Variants in SLTM observed in about 807,000 individuals in gnomAD.
SLTM encodes SAFB-like transcription modulator.
In SLTM, 43 loss-of-function variants were observed where a neutral mutation model predicts 134.6. That is an observed-to-expected ratio of 0.32 (90% CI 0.25 to 0.41). The LOEUF is 0.41. Among genes scored for constraint, SLTM ranks in the 10% least tolerant of loss-of-function variants. The pLI is 1.00. For synonymous variants in SLTM, 424 were observed against 432.3 expected (o/e 0.98, Z 0.24); for missense variants, 1,055 against 1,288.8 (o/e 0.82, Z 2.78).
At chr15:58,919,909 G>A (rs2036902169) in intron 2 of SLTM, among the ~76,000 whole-genome samples, 1 of 152,160 alleles carries the variant, frequency 6.6e-6, no homozygotes, top group Admixed American at 6.5e-5. Context: ...TGAAAATGGT[G>A]CTGTCAGAAC....
intron 6 of SLTM, chr15:58,901,025 GCATTGTTCACTA>G (rs1329624722): frequency 2.4e-6 from 1 of 413,702 alleles, no homozygotes; most frequent in African/African-American, 2.1e-5. Flanking sequence ...ATAAAAAATA[GCATTGTTCACTA>G]CAGTAACTGA....
At chr15:58,926,739 A>T (rs1164539133) in intron 2 of SLTM, among the ~76,000 whole-genome samples, 1 of 151,210 alleles carries the variant, frequency 6.6e-6, no homozygotes, top group Non-Finnish European at 1.5e-5. Context: ...CTGAGCCTCC[A>T]GAGTAGCTGG....
At chr15:58,927,143 T>TA (rs1411712371) in intron 2 of SLTM, among the ~76,000 whole-genome samples, 2 of 151,842 alleles carry the variant, frequency 1.3e-5, no homozygotes, top group African/African-American at 4.8e-5. Context: ...GAGGCACCTT[T>TA]AAAAAAAAGA....
intron 2 of SLTM, among the ~76,000 whole-genome samples, chr15:58,930,738 T>G (rs571528633): frequency 6.7e-6 from 1 of 148,326 alleles, no homozygotes; most frequent in Middle Eastern, 3.3e-3. Flanking sequence ...ATATATGATA[T>G]ATATACACCT....
intron 2 of SLTM, among the ~76,000 whole-genome samples, chr15:58,928,238 A>C (rs537618790): frequency 6.6e-6 from 1 of 152,340 alleles, no homozygotes; most frequent in African/African-American, 2.4e-5. Context: ...AGAAAAGGAT[A>C]TGCCAGCATC....
intron 1 of SLTM, 53 bp from the exon 2 acceptor site, chr15:58,932,496 A>G (rs947153669): frequency 9.4e-6 from 13 of 1,379,374 alleles, no homozygotes; most frequent in Non-Finnish European, 1.3e-5. Flanking sequence ...AACTTATTTT[A>G]TAAAAACGAA....
At chr15:58,930,390 A>C (rs1009577762) in intron 2 of SLTM, among the ~76,000 whole-genome samples, 1 of 149,960 alleles carries the variant, frequency 6.7e-6, no homozygotes, top group Non-Finnish European at 1.5e-5. Context: ...TCAGCCTCTC[A>C]AACTGCTGGG....
rs572358876 is a variant in SLTM at position 58,919,008 on chromosome 15, G to A, written c.251-2009C>T. On this transcript the variant is annotated intron_variant, in intron 2 of 20. Coordinates refer to ENST00000380516, the MANE Select transcript of SLTM (RefSeq NM_024755.4). ...CGGCTCACTGCAACCTCTGCCTCCC[G>A]AGTTCAAGCGATTCTCCTGCCTCAG... Among the ~76,000 whole-genome samples, 102 of 151,782 alleles carry A rather than the reference G, an allele frequency of 6.7e-4. 1 individual carries two copies. The highest frequency in any genetic ancestry group is 2.1e-3 in the African/African-American group (86 of 41,362).
At chr15:58,933,337 A>C in intron 1 of SLTM, 67 bp downstream of exon 1, 2 of 1,476,662 alleles carry the variant, frequency 1.4e-6, no homozygotes, top group Non-Finnish European at 1.8e-6. Flanking sequence ...GCTGCGGCGG[A>C]AGCGGGGCGC....
intron 5 of SLTM, among the ~76,000 whole-genome samples, chr15:58,904,735 G>T (rs1161547176): frequency 6.6e-6 from 1 of 151,454 alleles, no homozygotes; most frequent in African/African-American, 2.4e-5. Flanking sequence ...TTCTGAGACT[G>T]AGTGTCGCTC....
intron 2 of SLTM, 78 bp downstream of exon 2, chr15:58,932,278 C>G: frequency 9.6e-7 from 1 of 1,045,506 alleles, no homozygotes; most frequent in East Asian, 2.4e-5. Context: ...ACTATATAAA[C>G]AGGGCAAGAG....
At chr15:58,909,436 C>G (rs1199976380) in intron 5 of SLTM, among the ~76,000 whole-genome samples, 2 of 152,174 alleles carry the variant, frequency 1.3e-5, no homozygotes, top group Non-Finnish European at 2.9e-5. Context: ...AGGAAAGAAT[C>G]AAACATATAT....
chr15:58,886,870 T>C, intron 19 of SLTM, 105 bp downstream of exon 19: 1 of 1,348,100 alleles, frequency 7.4e-7, no homozygotes, highest in Non-Finnish European at 1.0e-6. Context: ...CATTCCAATC[T>C]AGCTAATCTA....
intron 5 of SLTM, among the ~76,000 whole-genome samples, chr15:58,904,344 A>G (rs1423446104): frequency 3.3e-5 from 5 of 152,090 alleles, no homozygotes; most frequent in Admixed American, 2.6e-4. Flanking sequence ...TTTATTAATA[A>G]ATGATATTTG....
chr15:58,883,635 T>C lies in SLTM; in HGVS notation c.2987A>G (p.Gln996Arg). ...CTGGTTAGTTATTTACCTTGAATGT[T>C]GGGTTATCATGCCTGCTCCTGCCCG... is the stretch of plus-strand genomic sequence containing the variant. ...DGRAGAGMIT[Q>R]HSSNASPINR... Residue 996 changes from glutamine (Q) to arginine (R), a missense_variant, in exon 20 of 21, where the codon CAA (glutamine) becomes CGA (arginine). By Grantham distance (43) the Gln-to-Arg change is conservative. Transcript: ENST00000380516. 6.2e-7 allele frequency: 1 copy of C among 1,614,112 alleles called. No individual in the cohort carries two copies.
At chr15:58,923,798 CCT>C (rs1567160240) in intron 2 of SLTM, among the ~76,000 whole-genome samples, 1 of 123,694 alleles carries the variant, frequency 8.1e-6, no homozygotes, top group East Asian at 2.4e-4. Flanking sequence ...TGAAGCCAAA[CCT>C]TTTTTTTTTT....
Position 58,883,670 on chromosome 15 carries a change from C to T in SLTM, c.2952G>A (p.Met984Ile), listed in dbSNP as rs1262013709. Residue 984 changes from methionine (M) to isoleucine (I), a missense_variant, in exon 20 of 21, where the codon ATG (methionine) becomes ATA (isoleucine). Around this residue, in one of 3 missense-constraint regions of SLTM, gnomAD observed 776 missense variants for 962.2 expected, o/e 0.81. Coordinates refer to ENST00000380516, the MANE Select transcript of SLTM (RefSeq NM_024755.4). ...TGCCTGCTCCTGCCCGGCCGTCACC[C>T]ATTCGCCTCGTATCATGATAGCTAG... ...QGPSYHDTRR[M>I]GDGRAGAGMI... 9.3e-6 allele frequency: 15 copies of T among 1,614,166 alleles called. No homozygotes were observed. Among genetic ancestry groups the T allele is most frequent in the Non-Finnish European group, 1.3e-5 (15 of 1,180,032 alleles).
intron 5 of SLTM, 115 bp from the exon 6 acceptor site, chr15:58,901,402 G>T: frequency 8.9e-6 from 7 of 787,524 alleles, no homozygotes; most frequent in African/African-American, 1.7e-5. Context: ...ATTATTTAGG[G>T]ATACCTAACA....
intron 2 of SLTM, chr15:58,921,658 C>CA (rs1199175433): frequency 1.1e-4 from 34 of 319,670 alleles, no homozygotes; most frequent in Non-Finnish European, 1.2e-4. Flanking sequence ...ACATAGTATT[C>CA]AAAAAAAATG....
Sources: gnomAD v4.1 joint callset for allele counts (sites outside exome capture counted in the v4.1 genomes callset) on GRCh38, gnomAD v4.1.1 for gene constraint, gnomAD v4.1.1 regional missense constraint, MANE v1.5 for transcripts, NCBI Gene and HGNC (gene_info 2026-07-23, HGNC 2026-07-21) for gene names.